Variants in CAST observed in about 807,000 individuals in gnomAD.
CAST encodes the protein MIR583 host.
A neutral mutation model predicts 119.6 loss-of-function variants in CAST; 76 were observed. That is an observed-to-expected ratio of 0.64 (90% CI 0.53 to 0.77). CAST has a LOEUF of 0.77. Among genes scored for constraint, CAST ranks in the 30% least tolerant of loss-of-function variants. The pLI, the probability that CAST is intolerant of heterozygous loss-of-function variation, is 0.00. For missense variants in CAST, 953 were observed against 946.5 expected (o/e 1.01, Z -0.09); for synonymous variants, 319 against 331.6 (o/e 0.96, Z 0.41).
At chr5:96,186,077 G>A in the CAST span, among the ~76,000 whole-genome samples, 1 of 152,024 alleles carries the variant, frequency 6.6e-6, no homozygotes, top group Non-Finnish European at 1.5e-5. Flanking sequence ...TCCCATGTTA[G>A]CTGTATTCAT....
At chr5:96,450,057 C>T in the CAST span, among the ~76,000 whole-genome samples, 2 of 152,182 alleles carry the variant, frequency 1.3e-5, no homozygotes, top group Non-Finnish European at 2.9e-5. Context: ...CAATCCACTA[C>T]TGGGTGTCTC....
chr5:96,256,334 A>G, the CAST span, among the ~76,000 whole-genome samples: 2 of 144,714 alleles, frequency 1.4e-5, no homozygotes, highest in Non-Finnish European at 3.0e-5. Context: ...TATACGGTAT[A>G]TAAATATATA....
At chr5:96,394,441 T>C in the CAST span, among the ~76,000 whole-genome samples, 1 of 152,248 alleles carries the variant, frequency 6.6e-6, no homozygotes, top group African/African-American at 2.4e-5. Flanking sequence ...ATTTGAGCCT[T>C]GTTTTTCTTT....
At chr5:96,736,773 T>C (rs1019973917) in intron 10 of CAST, among the ~76,000 whole-genome samples, 4 of 152,242 alleles carry the variant, frequency 2.6e-5, no homozygotes, top group Admixed American at 2.0e-4. Flanking sequence ...ATGCAGGTTA[T>C]TGTTCATAAC....
chr5:96,597,607 C>T (rs1747075258), intron 1 of CAST, among the ~76,000 whole-genome samples: 1 of 152,168 alleles, frequency 6.6e-6, no homozygotes, highest in Non-Finnish European at 1.5e-5. Flanking sequence ...CGTTAGTTTG[C>T]TCTGACTCAC....
At chr5:96,070,783 C>G in the CAST span, among the ~76,000 whole-genome samples, 4 of 152,116 alleles carry the variant, frequency 2.6e-5, no homozygotes, top group Admixed American at 2.6e-4. Flanking sequence ...AATTTCGTAA[C>G]CACCCTATAG....
the CAST span, among the ~76,000 whole-genome samples, chr5:96,211,601 C>CT: frequency 2.6e-4 from 39 of 151,896 alleles, no homozygotes; most frequent in Non-Finnish European, 5.3e-4. Flanking sequence ...TAATGATTTT[C>CT]TTTTTTTGTA....
the CAST span, among the ~76,000 whole-genome samples, chr5:96,476,048 G>T: frequency 6.6e-6 from 1 of 152,170 alleles, no homozygotes; most frequent in Non-Finnish European, 1.5e-5. Context: ...ATCCAAAAGC[G>T]GCCGTTGAGG....
At position 96,771,652 on chromosome 5, in the gene CAST, G is replaced by A. The variant is rs1772390385; in HGVS notation, c.2349G>A (p.Glu783=). Reference sequence around the variant, plus strand: ...TTTGCTTTCCCTTTTAGACAACAGAGGAAACTTCCAAGCCAAAAGATGACT... The same window carrying A: ...TTTGCTTTCCCTTTTAGACAACAGAAGAAACTTCCAAGCCAAAAGATGACT... The part of the protein sequence containing the change: ...GKAKDSAKTT[E]ETSKPKDD The change falls in exon 31 of 32, where the codon GAG becomes GAA. Residue 783 remains glutamate (E), a synonymous_variant. Transcript: ENST00000675179. 1 of 1,611,556 alleles carries A rather than the reference G, an allele frequency of 6.2e-7. No individual in the cohort carries two copies. Among genetic ancestry groups the A allele is most frequent in the African/African-American group, 1.3e-5 (1 of 74,780 alleles).
chr5:96,512,294 A>G, the CAST span, among the ~76,000 whole-genome samples: 1 of 152,196 alleles, frequency 6.6e-6, no homozygotes, highest in Admixed American at 6.5e-5. Context: ...GTAGACATAC[A>G]ATTTCTGATT....
Position 96,737,846 on chromosome 5 carries a change from C to T in CAST, c.700-3C>T. The T allele has an allele frequency of 6.6e-7, 1 of 1,508,960 alleles. No individual in the cohort carries two copies. The highest frequency in any genetic ancestry group is 1.4e-5 in the African/African-American group (1 of 72,102). 93.5% of individuals were successfully genotyped at this position (1,508,960 alleles called of 1,614,324 possible). On this transcript the variant is annotated splice_polypyrimidine_tract_variant and splice_region_variant and intron_variant, in intron 10 of 31. Transcript: ENST00000675179. ...ATTTAAATATCTGTTCTTTCTTTTC[C>T]AGTCAGGCATGGATGCTGCTTTGGA...
chr5:96,425,837 T>G, the CAST span: 9 of 1,593,738 alleles, frequency 5.6e-6, no homozygotes, highest in Non-Finnish European at 7.7e-6. Context: ...CATTGCTGAT[T>G]CCACATGGGA....
At chr5:96,480,630 T>C in the CAST span, among the ~76,000 whole-genome samples, 1 of 152,048 alleles carries the variant, frequency 6.6e-6, no homozygotes, top group East Asian at 1.9e-4. Flanking sequence ...TGAGCAAGAA[T>C]TACATGTAAG....
At chr5:96,724,557 A>G (rs1300530079) in intron 4 of CAST, among the ~76,000 whole-genome samples, 2 of 152,192 alleles carry the variant, frequency 1.3e-5, no homozygotes, top group Non-Finnish European at 2.9e-5. Flanking sequence ...AAGACCAGGC[A>G]TAGTGGCCCA....
intron 1 of CAST, among the ~76,000 whole-genome samples, chr5:96,573,035 G>A (rs1746598120): frequency 6.6e-6 from 1 of 152,228 alleles, no homozygotes; most frequent in Non-Finnish European, 1.5e-5. Flanking sequence ...TAATTGGAGA[G>A]AAGGACAAAG....
At chr5:96,617,039 C>T (rs1437580589) in intron 1 of CAST, among the ~76,000 whole-genome samples, 1 of 152,128 alleles carries the variant, frequency 6.6e-6, no homozygotes, top group Non-Finnish European at 1.5e-5. Flanking sequence ...ACATCAAGGC[C>T]ATTGCTTGAA....
intron 10 of CAST, among the ~76,000 whole-genome samples, chr5:96,737,238 A>G (rs1761850584): frequency 2.0e-5 from 3 of 152,220 alleles, no homozygotes. Context: ...ATATTGGCAG[A>G]GTAAACTTGT....
At chr5:96,374,791 G>C in the CAST span, among the ~76,000 whole-genome samples, 2 of 152,178 alleles carry the variant, frequency 1.3e-5, no homozygotes, top group Admixed American at 6.5e-5. Flanking sequence ...TGGCCACAGA[G>C]AGATAGATTT....
intron 1 of CAST, among the ~76,000 whole-genome samples, chr5:96,539,470 C>A (rs73775328): frequency 0.012 from 1,805 of 152,226 alleles, 31 homozygotes; most frequent in African/African-American, 0.041. Flanking sequence ...CCTTTCAACT[C>A]ATGTTTCTAT....
Sources: allele counts gnomAD v4.1 joint callset (sites outside exome capture counted in the v4.1 genomes callset), GRCh38; gene constraint gnomAD v4.1.1; transcripts MANE v1.5; gene names NCBI Gene and HGNC (gene_info 2026-07-23, HGNC 2026-07-21).